Variants in HPSE2 observed in about 807,000 individuals in gnomAD.
The protein encoded by HPSE2 is heparanase 2 (inactive).
HPSE2 carries 38 observed loss-of-function variants against 60.5 expected under a neutral mutation model. That is an observed-to-expected ratio of 0.63 (90% CI 0.48 to 0.82). HPSE2 has a LOEUF of 0.82. Among genes scored for constraint, HPSE2 ranks in the 40% least tolerant of loss-of-function variants. The pLI, the probability that HPSE2 is intolerant of heterozygous loss-of-function variation, is 0.00. For synonymous variants in HPSE2, 295 were observed against 293.2 expected (o/e 1.01, Z -0.06); for missense variants, 713 against 740.4 (o/e 0.96, Z 0.43).
the HPSE2 span, among the ~76,000 whole-genome samples, chr10:99,249,433 G>C: frequency 3.5e-4 from 53 of 152,284 alleles, 1 homozygote; most frequent in Admixed American, 2.4e-3. Flanking sequence ...CCCTCTCTTT[G>C]GCTGATTTCT....
At chr10:99,199,547 T>C (rs1410273884) in intron 2 of HPSE2, among the ~76,000 whole-genome samples, 1 of 152,152 alleles carries the variant, frequency 6.6e-6, no homozygotes, top group Non-Finnish European at 1.5e-5. Flanking sequence ...CATTTTCCAA[T>C]TGTATATTTA....
chr10:99,060,948 T>C (rs1221146455), intron 3 of HPSE2, among the ~76,000 whole-genome samples: 2 of 152,100 alleles, frequency 1.3e-5, no homozygotes, highest in Non-Finnish European at 2.9e-5. Flanking sequence ...AGGCTGGGAA[T>C]GGCAGTTGTT....
intron 2 of HPSE2, among the ~76,000 whole-genome samples, chr10:99,228,730 G>A (rs1338516458): frequency 6.6e-6 from 1 of 152,206 alleles, no homozygotes; most frequent in East Asian, 1.9e-4. Context: ...GGAGTAACCA[G>A]TGAAGCTCCC....
chr10:98,994,918 G>A (rs1188808767), intron 3 of HPSE2, among the ~76,000 whole-genome samples: 1 of 152,194 alleles, frequency 6.6e-6, no homozygotes, highest in Non-Finnish European at 1.5e-5. Flanking sequence ...GTGCAGCCCA[G>A]CATTAAACTC....
At chr10:98,579,100 T>A (rs991962038) in intron 9 of HPSE2, among the ~76,000 whole-genome samples, 1 of 147,926 alleles carries the variant, frequency 6.8e-6, no homozygotes, top group Non-Finnish European at 1.5e-5. Context: ...CTGCAAAAAA[T>A]TGGATGGAGA....
chr10:98,710,769 A>G (rs1299621124), intron 5 of HPSE2, among the ~76,000 whole-genome samples: 1 of 152,130 alleles, frequency 6.6e-6, no homozygotes, highest in Non-Finnish European at 1.5e-5. Context: ...CCTTGTTATA[A>G]CCATGCAGAG....
intron 9 of HPSE2, among the ~76,000 whole-genome samples, chr10:98,496,056 T>C (rs1941826722): frequency 1.3e-5 from 2 of 152,106 alleles, no homozygotes; most frequent in South Asian, 4.1e-4. Flanking sequence ...TTTTGGTGTG[T>C]GTGTGTGTGT....
At chr10:98,893,442 C>T (rs775684622) in intron 3 of HPSE2, among the ~76,000 whole-genome samples, 11 of 152,022 alleles carry the variant, frequency 7.2e-5, no homozygotes, top group South Asian at 4.2e-4. Context: ...TAAACATATC[C>T]CTTTTTCCTA....
intron 3 of HPSE2, among the ~76,000 whole-genome samples, chr10:99,102,086 G>A (rs898481671): frequency 1.3e-5 from 2 of 152,100 alleles, no homozygotes; most frequent in African/African-American, 4.8e-5. Flanking sequence ...AGAAGCAAGA[G>A]CAAACACATT....
chr10:99,013,528 C>G, intron 3 of HPSE2: 1 of 296,032 alleles, frequency 3.4e-6, no homozygotes, highest in South Asian at 3.5e-5. Flanking sequence ...CTGGAGTGTA[C>G]TGGCACGATC....
At chr10:99,231,941 T>C (rs565768713) in intron 2 of HPSE2, among the ~76,000 whole-genome samples, 1 of 152,184 alleles carries the variant, frequency 6.6e-6, no homozygotes, top group Non-Finnish European at 1.5e-5. Flanking sequence ...TTTAATAATC[T>C]ATGAACCTGG....
intron 3 of HPSE2, among the ~76,000 whole-genome samples, chr10:98,764,302 A>C (rs79337860): frequency 1.3e-5 from 2 of 152,188 alleles, no homozygotes; most frequent in South Asian, 2.1e-4. Flanking sequence ...TATTCATTTA[A>C]TCCAAACAAT....
chr10:99,051,327 C>G (rs1247919291), intron 3 of HPSE2, among the ~76,000 whole-genome samples: 1 of 152,104 alleles, frequency 6.6e-6, no homozygotes, highest in Non-Finnish European at 1.5e-5. Context: ...TCCAAAATAT[C>G]CCTGTAAAAT....
intron 1 of HPSE2, among the ~76,000 whole-genome samples, chr10:99,234,503 A>G (rs551024217): frequency 6.6e-6 from 1 of 152,298 alleles, no homozygotes; most frequent in Admixed American, 6.5e-5. Context: ...ACTTGTAGGG[A>G]ATTTTTAAAA....
chr10:98,579,418 G>A (rs1332776892), intron 9 of HPSE2, among the ~76,000 whole-genome samples: 1 of 152,130 alleles, frequency 6.6e-6, no homozygotes, highest in African/African-American at 2.4e-5. Context: ...CAAAAACAGA[G>A]TAAGACTTGC....
chr10:98,818,176 C>A (rs116466609), intron 3 of HPSE2, among the ~76,000 whole-genome samples: 1 of 152,136 alleles, frequency 6.6e-6, no homozygotes. Context: ...ACATGTATGC[C>A]CATCAGAGAA....
chr10:99,016,385 G>A (rs889916928), intron 3 of HPSE2, among the ~76,000 whole-genome samples: 3 of 152,048 alleles, frequency 2.0e-5, no homozygotes, highest in Non-Finnish European at 4.4e-5. Flanking sequence ...TGGTTCTACT[G>A]GTCTATGTGT....
chr10:98,522,136 T>TAA (rs555728622), intron 9 of HPSE2, among the ~76,000 whole-genome samples: 10 of 142,820 alleles, frequency 7.0e-5, no homozygotes, highest in Non-Finnish European at 1.4e-4. Context: ...AGGATAATTA[T>TAA]AAAAAAAAAA....
intron 3 of HPSE2, among the ~76,000 whole-genome samples, chr10:99,049,453 A>G (rs976393094): frequency 3.3e-5 from 5 of 152,192 alleles, no homozygotes; most frequent in African/African-American, 1.2e-4. Flanking sequence ...ACATCAAGAG[A>G]TCCAAACCTA....
Sources: allele counts gnomAD v4.1 joint callset (sites outside exome capture counted in the v4.1 genomes callset), GRCh38; gene constraint gnomAD v4.1.1; transcripts MANE v1.5; gene names NCBI Gene and HGNC (gene_info 2026-07-23, HGNC 2026-07-21).